Variants in NID2 observed in about 807,000 individuals in gnomAD.
The protein encoded by NID2 is nidogen-2.
NID2 carries 83 observed loss-of-function variants against 145.4 expected under a neutral mutation model. The observed-to-expected ratio is 0.57, with a 90% confidence interval of 0.48 to 0.69. The LOEUF is 0.69. Among genes scored for constraint, NID2 ranks in the 30% least tolerant of loss-of-function variants. The probability of loss-of-function intolerance (pLI) is 0.00; values close to 1 mark genes in which losing one functional copy is unlikely to be tolerated. For synonymous variants in NID2, 739 were observed against 701.3 expected (o/e 1.05, Z -0.85); for missense variants, 1,807 against 1,765.7 (o/e 1.02, Z -0.42).
At chr14:52,025,604 T>C (rs372426509) in intron 12 of NID2, among the ~76,000 whole-genome samples, 4 of 152,330 alleles carry the variant, frequency 2.6e-5, no homozygotes, top group East Asian at 1.9e-4. Flanking sequence ...TGAAATCTGG[T>C]GATGGCCTTC....
At chr14:52,021,627 A>C (rs931903564) in intron 12 of NID2, among the ~76,000 whole-genome samples, 3 of 152,230 alleles carry the variant, frequency 2.0e-5, no homozygotes, top group Admixed American at 6.5e-5. Flanking sequence ...GTCAGCATAT[A>C]TCAGTTCCTA....
intron 9 of NID2, among the ~76,000 whole-genome samples, chr14:52,030,889 C>T (rs1424154969): frequency 6.6e-6 from 1 of 152,188 alleles, no homozygotes; most frequent in Non-Finnish European, 1.5e-5. Flanking sequence ...AGTCAATGCT[C>T]ATTGAGCATT....
intron 14 of NID2, among the ~76,000 whole-genome samples, chr14:52,017,087 T>C (rs1468355796): frequency 6.6e-6 from 1 of 152,128 alleles, no homozygotes; most frequent in Admixed American, 6.5e-5. Flanking sequence ...CCTCAAACAC[T>C]GCAGGATTTC....
At chr14:52,012,853 G>T (rs182578428) in intron 16 of NID2, among the ~76,000 whole-genome samples, 1 of 152,316 alleles carries the variant, frequency 6.6e-6, no homozygotes, top group East Asian at 1.9e-4. Flanking sequence ...TCAGGGGTTA[G>T]CTGGCTGTCC....
chr14:52,022,044 A>G (rs568564446), intron 12 of NID2, among the ~76,000 whole-genome samples: 6 of 152,322 alleles, frequency 3.9e-5, no homozygotes, highest in African/African-American at 1.4e-4. Flanking sequence ...ACCCCAAGCA[A>G]TGACAGGAAG....
At chr14:52,041,698 G>C (rs959333022) in intron 7 of NID2, among the ~76,000 whole-genome samples, 1 of 152,132 alleles carries the variant, frequency 6.6e-6, no homozygotes, top group African/African-American at 2.4e-5. Context: ...TACTATTATA[G>C]GTTGTGGAGC....
chr14:52,027,802 C>T (rs1007587297), intron 11 of NID2, among the ~76,000 whole-genome samples: 1 of 151,142 alleles, frequency 6.6e-6, no homozygotes, highest in African/African-American at 2.4e-5. Flanking sequence ...CGGCTCACTG[C>T]AACCTCCAAC....
At position 52,054,195 on chromosome 14, in the gene NID2, A is replaced by G; in HGVS notation, c.894T>C (p.Arg298=). Residue 298 remains arginine (R), a synonymous_variant, in exon 4 of 22, where the codon CGT becomes CGC. Coordinates refer to ENST00000216286, the MANE Select transcript of NID2 (RefSeq NM_007361.4). ...SAAHSSVPLG[R]SFSHATALES... is the part of the protein sequence containing the mutation. ...CCAGGGCTGTAGCATGGCTGAAGGA[A>G]CGTCCCAGGGGAACAGAAGAGTGGG... 6.2e-7 allele frequency: 1 copy of G among 1,614,192 alleles called. No homozygotes were observed. The highest frequency in any genetic ancestry group is 8.5e-7 in the Non-Finnish European group (1 of 1,180,032).
rs1159414886 is a variant in NID2, at chr14:52,040,563, A to G, written c.2026+88T>C. 5 of 1,108,518 alleles carry G rather than the reference A, an allele frequency of 4.5e-6. No homozygotes were observed. In the African/African-American group the frequency reaches 6.2e-5, roughly 14 times the overall value. The allele number at this position is 1,108,518 out of a possible 1,614,324, so 68.7% of individuals were successfully genotyped here. ...ATGTTCCATGCACTGTTCTAAGGAC[A>G]TGCCATGTAAGTCATTTAAGCCTTG... On this transcript the variant is annotated intron_variant, in intron 8 of 21. Coordinates refer to ENST00000216286, the MANE Select transcript of NID2 (RefSeq NM_007361.4).
intron 14 of NID2, 117 bp from the exon 15 acceptor site, chr14:52,015,392 C>T: frequency 4.2e-6 from 4 of 945,400 alleles, no homozygotes; most frequent in Non-Finnish European, 6.3e-6. Flanking sequence ...TCCTACTGTC[C>T]AGGTCTCAGC....
At position 52,053,723 on chromosome 14, in the gene NID2, C is replaced by G. The variant is rs1892753726; in HGVS notation, c.1285G>C (p.Val429Leu). 6.2e-7 allele frequency: 1 copy of G among 1,614,238 alleles called. No homozygotes were observed. The highest frequency in any genetic ancestry group is 8.5e-7 in the Non-Finnish European group (1 of 1,180,036). ...SIQPYPDGGP[V>L]PSEMDVPPAH... ...GGGGGAACATCCATTTCCGAAGGCA[C>G]TGGCCCTCCATCTGGGTAGGGCTGG... is the stretch of plus-strand genomic sequence containing the variant. Residue 429 changes from valine to leucine, a missense_variant, in exon 5 of 22, where the codon GTG becomes CTG. Transcript: ENST00000216286.
chr14:52,011,489 CGTAAA>C lies in NID2; in HGVS notation c.3550+60_3550+64del. On this transcript the variant is annotated intron_variant, in intron 17 of 21. Transcript: ENST00000216286. ...GAGAAAAATCGAGGGGAGACTTCGG[CGTAAA>C]GTAGACAAGTGACTTTGTAGAATCA... The C allele has an allele frequency of 1.9e-6, 3 of 1,602,152 alleles. No homozygotes were observed. In the Admixed American group the frequency reaches 5.1e-5, roughly 27 times the overall value.
At chr14:52,068,252 G>C in intron 1 of NID2, 89 bp from the exon 2 acceptor site, 2 of 1,294,302 alleles carry the variant, frequency 1.5e-6, no homozygotes, top group East Asian at 4.7e-5. Flanking sequence ...ACTGACTTAG[G>C]CAAAAAGCCT....
chr14:52,032,971 A>G (rs1481481875), intron 9 of NID2, among the ~76,000 whole-genome samples: 1 of 152,190 alleles, frequency 6.6e-6, no homozygotes, highest in Non-Finnish European at 1.5e-5. Context: ...CAAAATGAAA[A>G]TGTGGAGCCC....
At position 52,019,163 on chromosome 14, in the gene NID2, C is replaced by T. The variant is rs746308960; in HGVS notation, c.2926G>A (p.Gly976Ser). 8 of 1,614,124 alleles carry T rather than the reference C, an allele frequency of 5.0e-6. 1 individual carries two copies. In the South Asian group the frequency reaches 6.6e-5, roughly 13 times the overall value. ...QGNFLPLQCH[G>S]STGFCWCVDP... ...ACGCACCAGCAGAAACCAGTGCTGC[C>T]ATGACACTGTAGGGGCAGGAAGTTG... The change falls in exon 14 of 22, where the codon GGC (glycine) becomes AGC (serine). Residue 976 changes from glycine to serine, a missense_variant. By Grantham distance (56) the Gly-to-Ser change is moderately conservative (BLOSUM62 0). Coordinates refer to ENST00000216286, the MANE Select transcript of NID2 (RefSeq NM_007361.4).
intron 16 of NID2, chr14:52,012,043 T>TAA (rs3030364): frequency 1.1e-3 from 169 of 148,614 alleles, no homozygotes; most frequent in African/African-American, 2.0e-3. Context: ...ACTGATGATT[T>TAA]AAAAAAAAAA....
intron 5 of NID2, among the ~76,000 whole-genome samples, chr14:52,046,151 G>A (rs2749880): frequency 0.67 from 102,027 of 151,564 alleles, 34,605 homozygotes; most frequent in East Asian, 0.85. Flanking sequence ...GTGAAACCCC[G>A]TCTCTACTAA....
intron 5 of NID2, among the ~76,000 whole-genome samples, chr14:52,044,829 G>T (rs1892429013): frequency 6.6e-6 from 1 of 151,796 alleles, no homozygotes; most frequent in African/African-American, 2.4e-5. Flanking sequence ...CGTTGCCCAG[G>T]TTGGTCTCGG....
rs998924211 is a variant in NID2, at chr14:52,043,004, A to T, written c.1430-73T>A. Reference sequence around the variant, plus strand: ...GTCACTGCTGCATCGGGGACACAACATCTGCTCCATAGAAGCAGTTTAGAT... The same window carrying T: ...GTCACTGCTGCATCGGGGACACAACTTCTGCTCCATAGAAGCAGTTTAGAT... On this transcript the variant is annotated intron_variant, in intron 5 of 21. Coordinates refer to ENST00000216286, the MANE Select transcript of NID2 (RefSeq NM_007361.4). 8.4e-6 allele frequency: 12 copies of T among 1,436,034 alleles called. No homozygotes were observed. The African/African-American group carries it at 1.4e-4, about 17-fold the overall frequency. 89.0% of individuals were successfully genotyped at this position (1,436,034 alleles called of 1,614,324 possible). A position where few individuals can be genotyped will look rare whatever the true frequency, so the allele number is the denominator to read the frequency against.
Sources: gnomAD v4.1 joint callset for allele counts (sites outside exome capture counted in the v4.1 genomes callset) on GRCh38, gnomAD v4.1.1 for gene constraint, MANE v1.5 for transcripts, NCBI Gene and HGNC (gene_info 2026-07-23, HGNC 2026-07-21) for gene names.